The following SLC5A3 variants were observed in gnomAD, a reference collection of about 807,000 sequenced individuals.
The protein encoded by SLC5A3 is sodium/myo-inositol cotransporter.
Under a neutral mutation model 43.2 loss-of-function variants are expected in SLC5A3, and 10 were observed. The observed-to-expected ratio is 0.23, with a 90% confidence interval of 0.14 to 0.39. The LOEUF (loss-of-function observed/expected upper bound fraction) is 0.39, where lower values mean the gene tolerates loss of function less well. Ranked by LOEUF, SLC5A3 falls within the 10% of genes least tolerant of loss-of-function variation. The pLI is 1.00. For synonymous variants in SLC5A3, 349 were observed against 322.0 expected, an observed-to-expected ratio of 1.08 and a Z score of -0.90; for missense variants, 608 against 893.4, an observed-to-expected ratio of 0.68 and a Z score of 4.07.
chr21:34,091,440 A>G (rs1198122311), intron 1 of SLC5A3, among the ~76,000 whole-genome samples: 3 of 152,168 alleles, frequency 2.0e-5, no homozygotes, highest in Admixed American at 6.5e-5. Context: ...TTTGGAAGAT[A>G]AATTATATGG....
rs777145221 is a variant in SLC5A3 at position 34,096,575 on chromosome 21, A to G, written c.1377A>G (p.Ala459=). 5.0e-6 allele frequency: 8 copies of G among 1,613,892 alleles called. No individual in the cohort carries two copies. Among genetic ancestry groups the G allele is most frequent in the Admixed American group, 3.3e-5 (2 of 59,984 alleles). ...CAGTGGCAGCCTTGTTCCTGCTGGC[A>G]ATTTTCTGGAAGCGCTGCAATGAAC... ...TPPVAALFLL[A]IFWKRCNEQG... Residue 459 remains alanine, a synonymous_variant, in exon 2 of 2, where the codon GCA becomes GCG. Transcript: ENST00000381151. This position sits in a 1 kb window ranked among gnomAD's most constrained non-coding sequence, Gnocchi z 5.9.
At position 34,094,263 on chromosome 21, in the gene SLC5A3, A is replaced by G. The variant is rs79949701; in HGVS notation, c.-336-600A>G. Among the ~76,000 whole-genome samples the G allele has an allele frequency of 9.3e-3, 1,423 of 152,268 alleles. 29 individuals are homozygous for G. The highest frequency in any genetic ancestry group is 0.033 in the African/African-American group (1,355 of 41,542). On this transcript the variant is annotated intron_variant, in intron 1 of 1. Transcript: ENST00000381151. ...CGTCTCACAAGATCTAGGTTACTGTATGACAACTATATCCATTTACTGGAG... is the reference window on the plus strand; with the variant it reads ...CGTCTCACAAGATCTAGGTTACTGTGTGACAACTATATCCATTTACTGGAG...
Position 34,101,912 on chromosome 21 carries a change from T to C in SLC5A3, c.*4557T>C. The C allele has an allele frequency of 1.0e-6, 1 of 1,000,168 alleles. No individual in the cohort carries two copies. The allele number at this position is 1,000,168 out of a possible 1,614,324, so 62.0% of individuals were successfully genotyped here. On this transcript the variant is annotated 3_prime_UTR_variant, in exon 2 of 2. Transcript: ENST00000381151. Reference sequence around the variant, plus strand: ...TAGTGATCATTTATGTGAGCCCCTTTGAAATGATGGTGTCAGAGTGCAGAG... The same window carrying C: ...TAGTGATCATTTATGTGAGCCCCTTCGAAATGATGGTGTCAGAGTGCAGAG...
intron 1 of SLC5A3, among the ~76,000 whole-genome samples, chr21:34,080,365 C>T (rs1640525646): frequency 6.6e-6 from 1 of 152,144 alleles, no homozygotes; most frequent in Admixed American, 6.5e-5. Context: ...CCTCATCTTT[C>T]AGTTTTTTTC....
At chr21:34,077,610 A>G (rs1307496779) in intron 1 of SLC5A3, among the ~76,000 whole-genome samples, 2 of 152,224 alleles carry the variant, frequency 1.3e-5, no homozygotes, top group Non-Finnish European at 2.9e-5. Context: ...TAATAGGAAT[A>G]AAGAAGATAG....
At chr21:34,094,579 G>A (rs939932045) in intron 1 of SLC5A3, among the ~76,000 whole-genome samples, 1 of 152,130 alleles carries the variant, frequency 6.6e-6, no homozygotes, top group African/African-American at 2.4e-5. Flanking sequence ...ACAAGAAAGG[G>A]CAATGCTGTG....
chr21:34,078,850 T>G (rs1162058751), intron 1 of SLC5A3, among the ~76,000 whole-genome samples: 1 of 152,234 alleles, frequency 6.6e-6, no homozygotes, highest in Admixed American at 6.5e-5. Flanking sequence ...CTATTTAATG[T>G]TCTTAGCTTT....
chr21:34,096,243 A>G lies in SLC5A3; in HGVS notation c.1045A>G (p.Ile349Val), dbSNP rs749664255. ...TGGAAGCAGAGCTGGTTGCTCCAAT[A>G]TTGCTTACCCACGCCTGGTGATGAA... ...VCGSRAGCSN[I>V]AYPRLVMKLV... The change falls in exon 2 of 2, where the codon ATT becomes GTT. Residue 349 changes from isoleucine to valine, a missense_variant. By Grantham distance (29) the Ile-to-Val change is conservative. This residue lies in a region of SLC5A3 where 398 missense variants were observed against 668.6 expected (regional missense o/e 0.60). Transcript: ENST00000381151. This position sits in a 1 kb window ranked among gnomAD's most constrained non-coding sequence, Gnocchi z 5.9. 5 of 1,613,974 alleles carry G rather than the reference A, an allele frequency of 3.1e-6. No individual in the cohort carries two copies. The highest frequency in any genetic ancestry group is 4.2e-6 in the Non-Finnish European group (5 of 1,179,996).
chr21:34,101,127 A>G lies in SLC5A3; in HGVS notation c.*3772A>G, dbSNP rs997215882. 2 of 1,000,062 alleles carry G rather than the reference A, an allele frequency of 2.0e-6. No individual in the cohort carries two copies. The highest frequency in any genetic ancestry group is 2.4e-6 in the Non-Finnish European group (2 of 829,964). 61.9% of individuals were successfully genotyped at this position (1,000,062 alleles called of 1,614,324 possible). On this transcript the variant is annotated 3_prime_UTR_variant, in exon 2 of 2. Transcript: ENST00000381151. ...TTGCCAGGACAAAATTTTCCTAAGAAATCAGAAAAATGATTAAGTGAGATA... is the reference window on the plus strand; with the variant it reads ...TTGCCAGGACAAAATTTTCCTAAGAGATCAGAAAAATGATTAAGTGAGATA...
At chr21:34,077,047 C>T (rs1462985961) in intron 1 of SLC5A3, among the ~76,000 whole-genome samples, 1 of 152,162 alleles carries the variant, frequency 6.6e-6, no homozygotes, top group African/African-American at 2.4e-5. Context: ...TCTATATCCA[C>T]CTCCACCCTG....
intron 1 of SLC5A3, among the ~76,000 whole-genome samples, chr21:34,074,157 GGCCCCGCCGCCGCCGCCTGGTCCGTCCC>G (rs1989262335): frequency 6.7e-6 from 1 of 149,226 alleles, no homozygotes; most frequent in Non-Finnish European, 1.5e-5. Flanking sequence ...CCTCGTCGCC[GGCCCCGCCGCCGCCGCCTGGTCCGTCCC>G]GCTCCGCCGC....
At chr21:34,089,143 A>G (rs748939247) in intron 1 of SLC5A3, among the ~76,000 whole-genome samples, 10 of 151,708 alleles carry the variant, frequency 6.6e-5, no homozygotes, top group Non-Finnish European at 1.2e-4. Flanking sequence ...TCCTCTTGCC[A>G]CAGCCTCCTG....
chr21:34,097,060 A>G lies in SLC5A3; in HGVS notation c.1862A>G (p.His621Arg), dbSNP rs1245329674. 1 of 1,614,028 alleles carries G rather than the reference A, an allele frequency of 6.2e-7. No individual in the cohort carries two copies. The highest frequency in any genetic ancestry group is 1.7e-5 in the Admixed American group (1 of 60,000). The change falls in exon 2 of 2, where the codon CAT becomes CGT. Residue 621 changes from histidine (H) to arginine (R), a missense_variant. Physicochemically the swap from His to Arg is conservative, Grantham distance 29. Transcript: ENST00000381151. Reference protein sequence around the residue: ...EEGNPVASLGHSEAETPVDAY... With the variant: ...EEGNPVASLGRSEAETPVDAY... The stretch of plus-strand genomic sequence containing the variant: ...GGCAACCCAGTGGCATCCTTAGGTC[A>G]TTCAGAGGCAGAAACACCAGTTGAC...
At position 34,099,570 on chromosome 21, in the gene SLC5A3, A is replaced by T; in HGVS notation, c.*2215A>T. On this transcript the variant is annotated 3_prime_UTR_variant, in exon 2 of 2. Transcript: ENST00000381151. The stretch of plus-strand genomic sequence containing the variant: ...ATTGGCTGGGCAGCCTATCTCTTCC[A>T]TATCCAGCGTAAATGAATAGGAGGT... 1 of 999,374 alleles carries T rather than the reference A, an allele frequency of 1.0e-6. No homozygotes were observed. The allele number at this position is 999,374 out of a possible 1,614,324, so 61.9% of individuals were successfully genotyped here.
rs1979094136 is a variant in SLC5A3, at chr21:34,098,792, T to C, written c.*1437T>C. On this transcript the variant is annotated 3_prime_UTR_variant, in exon 2 of 2. Coordinates refer to ENST00000381151, the MANE Select transcript of SLC5A3 (RefSeq NM_006933.7). ...TACAAAAGATGTTAGAGAAAAGCTC[T>C]ACAGATTACGTACTTCTGTGTCTTC... 2 of 1,000,072 alleles carry C rather than the reference T, an allele frequency of 2.0e-6. No individual in the cohort carries two copies. Among genetic ancestry groups the C allele is most frequent in the African/African-American group, 1.7e-5 (1 of 57,254 alleles). The allele number at this position is 1,000,072 out of a possible 1,614,324, so 61.9% of individuals were successfully genotyped here.
chr21:34,103,238 GT>G lies in SLC5A3; in HGVS notation c.*5886del. 4.0e-6 allele frequency: 4 copies of G among 998,600 alleles called. No homozygotes were observed. The highest frequency in any genetic ancestry group is 4.8e-6 in the Non-Finnish European group (4 of 829,682). 61.9% of individuals were successfully genotyped at this position (998,600 alleles called of 1,614,324 possible). On this transcript the variant is annotated 3_prime_UTR_variant, in exon 2 of 2. Transcript: ENST00000381151. ...CTGGTTACCAGTATTGACTCTGCTA[GT>G]TTGCACCTTTCCGTTCTTAACAGAA...
In SLC5A3 at chr21:34,098,297, AG is replaced by A; in HGVS notation, c.*944del. ...AAAATTATTAGCCAAATGCCTTCCT[AG>A]GTGGATCCAGTTGGAAGATATGTCC... On this transcript the variant is annotated 3_prime_UTR_variant, in exon 2 of 2. Coordinates refer to ENST00000381151, the MANE Select transcript of SLC5A3 (RefSeq NM_006933.7). The A allele has an allele frequency of 1.0e-6, 1 of 1,000,092 alleles. No individual in the cohort carries two copies. Among genetic ancestry groups the A allele is most frequent in the Non-Finnish European group, 1.2e-6 (1 of 829,908 alleles). The allele number at this position is 1,000,092 out of a possible 1,614,324, so 62.0% of individuals were successfully genotyped here.
intron 1 of SLC5A3, among the ~76,000 whole-genome samples, chr21:34,074,859 C>T (rs753207096): frequency 1.6e-4 from 24 of 152,322 alleles, no homozygotes; most frequent in Non-Finnish European, 3.1e-4. Context: ...AACTAACAAT[C>T]ACGGAGCGTC....
rs773663337 is a variant in SLC5A3, at chr21:34,102,494, C to A, written c.*5139C>A. 90 of 1,000,030 alleles carry A rather than the reference C, an allele frequency of 9.0e-5. No homozygotes were observed. The highest frequency in any genetic ancestry group is 1.1e-4 in the Non-Finnish European group (90 of 829,908). 61.9% of individuals were successfully genotyped at this position (1,000,030 alleles called of 1,614,324 possible). A position where few individuals can be genotyped will look rare whatever the true frequency, so the allele number is the denominator to read the frequency against. On this transcript the variant is annotated 3_prime_UTR_variant, in exon 2 of 2. Transcript: ENST00000381151. ...CTAACCATTGGCATATATAGTCTTT[C>A]ACTCAGAAATAAACAAAAACTGTTT... is the stretch of plus-strand genomic sequence containing the variant.
Sources: allele counts gnomAD v4.1 joint callset (sites outside exome capture counted in the v4.1 genomes callset), GRCh38; gene constraint gnomAD v4.1.1; regional missense constraint gnomAD v4.1.1; non-coding constraint Gnocchi (gnomAD v3.1); transcripts MANE v1.5; gene names NCBI Gene and HGNC (gene_info 2026-07-23, HGNC 2026-07-21).